The following TULP4 variants were observed in gnomAD, a reference collection of about 807,000 sequenced individuals.
The protein encoded by TULP4 is TUB like protein 4.
A neutral mutation model predicts 129.0 loss-of-function variants in TULP4; 16 were observed. That is an observed-to-expected ratio of 0.12 (90% CI 0.08 to 0.19). TULP4 has a LOEUF of 0.19. Ranked by LOEUF, TULP4 falls within the 10% of genes least tolerant of loss-of-function variation. The pLI, the probability that TULP4 is intolerant of heterozygous loss-of-function variation, is 1.00. For missense variants in TULP4, 1,842 were observed against 2,059.1 expected, an observed-to-expected ratio of 0.89 and a Z score of 2.04; for synonymous variants, 998 against 854.0, an observed-to-expected ratio of 1.17 and a Z score of -2.94.
chr6:158,412,624 C>T (rs1241667949), intron 1 of TULP4, among the ~76,000 whole-genome samples: 9 of 151,966 alleles, frequency 5.9e-5, no homozygotes, highest in Non-Finnish European at 1.0e-4. Context: ...AAGTTAGATA[C>T]GGAAAATTTT....
intron 3 of TULP4, among the ~76,000 whole-genome samples, chr6:158,436,607 T>C (rs1277569351): frequency 6.6e-6 from 1 of 152,252 alleles, no homozygotes; most frequent in African/African-American, 2.4e-5. Flanking sequence ...ATGTTTTTGC[T>C]AGCAATATCC....
intron 1 of TULP4, among the ~76,000 whole-genome samples, chr6:158,367,571 A>G (rs1022722495): frequency 8.5e-5 from 13 of 152,238 alleles, no homozygotes; most frequent in Non-Finnish European, 1.8e-4. Flanking sequence ...ACACAAACCA[A>G]AAACCCTTCC....
chr6:158,459,031 C>T lies in TULP4; in HGVS notation c.860-2532C>T, dbSNP rs577447371. Among the ~76,000 whole-genome samples, 6 of 152,302 alleles carry T rather than the reference C, an allele frequency of 3.9e-5. No individual in the cohort carries two copies. In the East Asian group the frequency reaches 1.2e-3, roughly 29 times the overall value. On this transcript the variant is annotated intron_variant, in intron 5 of 13. Transcript: ENST00000367097. ...CGCTTGATGCATGTAGCTCCATAAT[C>T]GTTGGAACAAGAAATGGCATTATTT... is the stretch of plus-strand genomic sequence containing the variant.
intron 1 of TULP4, among the ~76,000 whole-genome samples, chr6:158,294,248 A>C (rs551674939): frequency 6.6e-6 from 1 of 151,990 alleles, no homozygotes; most frequent in Non-Finnish European, 1.5e-5. Context: ...CCTGTAGTCC[A>C]GCTATTTGGG....
intron 1 of TULP4, among the ~76,000 whole-genome samples, chr6:158,236,831 T>C (rs1413260005): frequency 1.9e-5 from 2 of 107,224 alleles, no homozygotes; most frequent in African/African-American, 3.8e-5. Flanking sequence ...TTTTTTTTTT[T>C]GAGATAGGGT....
chr6:158,257,727 C>G (rs868155562), intron 1 of TULP4, among the ~76,000 whole-genome samples: 1 of 152,216 alleles, frequency 6.6e-6, no homozygotes, highest in African/African-American at 2.4e-5. Flanking sequence ...GGAAGCTGTA[C>G]CCTCCATGTA....
chr6:158,450,844 C>T (rs1311095139), intron 4 of TULP4, among the ~76,000 whole-genome samples: 1 of 151,802 alleles, frequency 6.6e-6, no homozygotes, highest in East Asian at 1.9e-4. Flanking sequence ...ATCATGAGGT[C>T]AGGAGATCGA....
chr6:158,266,987 G>C (rs536715836), intron 1 of TULP4, among the ~76,000 whole-genome samples: 3 of 152,228 alleles, frequency 2.0e-5, no homozygotes, highest in Admixed American at 6.5e-5. Context: ...CCCAGCCTCT[G>C]ATAACCACCA....
In TULP4 at chr6:158,502,511, C is replaced by T. The variant is rs117337831; in HGVS notation, c.2848C>T (p.Arg950Cys). 9.1e-5 allele frequency: 146 copies of T among 1,612,476 alleles called. No homozygotes were observed. In the East Asian group the frequency reaches 1.3e-3, roughly 15 times the overall value. Residue 950 changes from arginine to cysteine, a missense_variant, in exon 13 of 14, where the codon CGC (arginine) becomes TGC (cysteine). Coordinates refer to ENST00000367097, the MANE Select transcript of TULP4 (RefSeq NM_020245.5). ...SATLNRLTVP[R>C]YSIPTGDPPP... Reference sequence around the variant, plus strand: ...CACCCTGAACCGCCTGACCGTCCCTCGCTACTCCATCCCCACCGGGGACCC... The same window carrying T: ...CACCCTGAACCGCCTGACCGTCCCTTGCTACTCCATCCCCACCGGGGACCC...
intron 5 of TULP4, among the ~76,000 whole-genome samples, chr6:158,453,201 C>A (rs1779202568): frequency 6.6e-6 from 1 of 152,124 alleles, no homozygotes; most frequent in Non-Finnish European, 1.5e-5. Flanking sequence ...GGTGCGGTGG[C>A]TCATGCCTGT....
At chr6:158,499,850 G>GA (rs897822407) in intron 12 of TULP4, among the ~76,000 whole-genome samples, 51 of 150,446 alleles carry the variant, frequency 3.4e-4, no homozygotes, top group African/African-American at 1.1e-3. Context: ...ACTGAAAAAA[G>GA]AAAAAAAAAT....
At chr6:158,385,758 T>G (rs1319749650) in intron 1 of TULP4, among the ~76,000 whole-genome samples, 1 of 148,624 alleles carries the variant, frequency 6.7e-6, no homozygotes, top group Non-Finnish European at 1.5e-5. Flanking sequence ...ACTTTTACCC[T>G]CTCTTCTCCA....
chr6:158,315,561 A>C (rs1779468073), intron 1 of TULP4, among the ~76,000 whole-genome samples: 1 of 152,196 alleles, frequency 6.6e-6, no homozygotes, highest in Non-Finnish European at 1.5e-5. Context: ...ACAATATCAA[A>C]ATATAGAGCA....
chr6:158,506,222 CTTTT>C (rs61292138), intron 13 of TULP4, among the ~76,000 whole-genome samples: 100 of 55,484 alleles, frequency 1.8e-3, no homozygotes, highest in Non-Finnish European at 2.9e-3. Context: ...TCGCCTTGTT[CTTTT>C]TTTTTTTTTT....
At chr6:158,494,712 A>G (rs1259906136) in intron 10 of TULP4, 41 bp from the exon 11 acceptor site, 1 of 1,565,692 alleles carries the variant, frequency 6.4e-7, no homozygotes, top group South Asian at 1.1e-5. Flanking sequence ...AAATACGGAA[A>G]TAGATTGTGA....
At chr6:158,481,870 C>G (rs1486115088) in intron 8 of TULP4, among the ~76,000 whole-genome samples, 1 of 152,156 alleles carries the variant, frequency 6.6e-6, no homozygotes, top group African/African-American at 2.4e-5. Flanking sequence ...ATGCTCCCTG[C>G]ACATCTCTCT....
At position 158,313,613 on chromosome 6, in the gene TULP4, A is replaced by G. The variant is rs147875473; in HGVS notation, c.-404A>G. On this transcript the variant is annotated 5_prime_UTR_variant, in exon 1 of 14. Coordinates refer to ENST00000367097, the MANE Select transcript of TULP4 (RefSeq NM_020245.5). ...TTTGCAACCCTTTGTCTCTGGAATC[A>G]TATTACACTAAACTGGAATCTCAGG... The G allele has an allele frequency of 9.5e-6, 4 of 418,948 alleles. No homozygotes were observed. Among genetic ancestry groups the G allele is most frequent in the South Asian group, 9.4e-5 (1 of 10,630 alleles). The allele number at this position is 418,948 out of a possible 1,614,324, so 26.0% of individuals were successfully genotyped here.
chr6:158,246,023 GGTGTGTGTGTGT>G (rs66690741), intron 1 of TULP4, among the ~76,000 whole-genome samples: 9 of 145,920 alleles, frequency 6.2e-5, no homozygotes, highest in Admixed American at 6.9e-5. Context: ...ACCCCTTAGG[GGTGTGTGTGTGT>G]GTGTGTGTGT....
At chr6:158,496,530 A>G (rs1188750821) in intron 11 of TULP4, among the ~76,000 whole-genome samples, 1 of 152,244 alleles carries the variant, frequency 6.6e-6, no homozygotes, top group African/African-American at 2.4e-5. Flanking sequence ...CATAATGCAA[A>G]TAAATCTCTC....
Sources: gnomAD v4.1 joint callset for allele counts (sites outside exome capture counted in the v4.1 genomes callset) on GRCh38, gnomAD v4.1.1 for gene constraint, MANE v1.5 for transcripts, NCBI Gene and HGNC (gene_info 2026-07-23, HGNC 2026-07-21) for gene names.